Variants in DPP6 observed in about 807,000 individuals in gnomAD.
DPP6 encodes the protein A-type potassium channel modulatory protein DPP6.
In DPP6, 69 loss-of-function variants were observed where a neutral mutation model predicts 122.6. The ratio of observed to expected loss-of-function variants is 0.56; its 90% CI spans 0.46 to 0.69. The LOEUF is 0.69. Among genes scored for constraint, DPP6 ranks in the 30% least tolerant of loss-of-function variants. DPP6 has a pLI of 0.00. For missense variants in DPP6, 928 were observed against 1,116.9 expected, an observed-to-expected ratio of 0.83 and a Z score of 2.41; for synonymous variants, 418 against 433.1, an observed-to-expected ratio of 0.97 and a Z score of 0.43.
At chr7:154,098,324 C>T (rs1300686375) in intron 1 of DPP6, among the ~76,000 whole-genome samples, 1 of 152,198 alleles carries the variant, frequency 6.6e-6, no homozygotes, top group Non-Finnish European at 1.5e-5. Context: ...GCCTCCCCAG[C>T]CATGCTGAAC....
intron 3 of DPP6, among the ~76,000 whole-genome samples, chr7:154,517,766 G>A (rs1000753810): frequency 1.3e-5 from 2 of 152,074 alleles, no homozygotes; most frequent in East Asian, 1.9e-4. Flanking sequence ...TGTTGTGTCC[G>A]GAAAGCAAAA....
chr7:154,381,061 C>T (rs745748016), intron 1 of DPP6, among the ~76,000 whole-genome samples: 1 of 152,186 alleles, frequency 6.6e-6, no homozygotes, highest in Non-Finnish European at 1.5e-5. Context: ...CGTGGGGCTT[C>T]TCTGCCATGA....
chr7:154,497,512 G>A (rs571386666), intron 3 of DPP6, among the ~76,000 whole-genome samples: 2 of 151,892 alleles, frequency 1.3e-5, no homozygotes. Context: ...GGGAGGTTGA[G>A]GCAGGACAAT....
the DPP6 span, among the ~76,000 whole-genome samples, chr7:153,813,183 C>A: frequency 1.3e-5 from 2 of 150,536 alleles, no homozygotes; most frequent in Non-Finnish European, 3.0e-5. Flanking sequence ...CCCATCCCCC[C>A]ACCCTGCAAC....
chr7:154,840,357 A>T (rs564244105), intron 16 of DPP6, among the ~76,000 whole-genome samples: 1 of 152,278 alleles, frequency 6.6e-6, no homozygotes, highest in South Asian at 2.1e-4. Context: ...ATGGGCAGCA[A>T]CCTCAGCCTG....
chr7:153,869,942 T>G, the DPP6 span, among the ~76,000 whole-genome samples: 1 of 152,232 alleles, frequency 6.6e-6, no homozygotes, highest in African/African-American at 2.4e-5. Flanking sequence ...AATTCTGGGT[T>G]GAAAATTCTT....
At chr7:154,064,144 T>G (rs1491002849) in intron 1 of DPP6, among the ~76,000 whole-genome samples, 1 of 152,178 alleles carries the variant, frequency 6.6e-6, no homozygotes, top group Non-Finnish European at 1.5e-5. Flanking sequence ...GACACTCATC[T>G]ACCCTGTACC....
chr7:154,802,768 C>T (rs564220998), intron 13 of DPP6, among the ~76,000 whole-genome samples: 5 of 147,292 alleles, frequency 3.4e-5, no homozygotes, highest in African/African-American at 7.6e-5. Flanking sequence ...ACCCGGGAGG[C>T]GGAGGCTGCA....
intron 16 of DPP6, among the ~76,000 whole-genome samples, chr7:154,823,303 G>C (rs2150502318): frequency 6.6e-6 from 1 of 152,332 alleles, no homozygotes; most frequent in South Asian, 2.1e-4. Context: ...CCAGGAGTTT[G>C]ATGCTGTGGT....
chr7:154,837,457 C>T lies in DPP6; in HGVS notation c.1667-16323C>T, dbSNP rs368092462. The stretch of plus-strand genomic sequence containing the variant: ...ATTCACGTGCATGCACGCACACACA[C>T]GTGGGATGTGCATTTGGGATGGGCT... On this transcript the variant is annotated intron_variant, in intron 16 of 25. Coordinates refer to ENST00000377770, the MANE Select transcript of DPP6 (RefSeq NM_130797.4). 7.2e-5 allele frequency among the ~76,000 whole-genome samples: 11 copies of T among 152,384 alleles called. No individual in the cohort carries two copies. In the East Asian group the frequency reaches 1.7e-3, roughly 24 times the overall value.
intron 1 of DPP6, among the ~76,000 whole-genome samples, chr7:153,920,561 C>CTTTTTTTT (rs1489811189): frequency 0.015 from 929 of 62,146 alleles, 67 homozygotes; most frequent in African/African-American, 0.058. Context: ...TTTTATCTCT[C>CTTTTTTTT]TCTTTTTTTT....
rs1253067474 is a variant in DPP6, at chr7:154,478,546, C to A, written c.457+3509C>A. Among the ~76,000 whole-genome samples the A allele has an allele frequency of 4.0e-5, 6 of 151,358 alleles. No homozygotes were observed. The East Asian group carries it at 1.2e-3, about 29-fold the overall frequency. On this transcript the variant is annotated intron_variant, in intron 3 of 25. Transcript: ENST00000377770. The stretch of plus-strand genomic sequence containing the variant: ...TGTCTTAAGCTCTAGGCTAAATGAT[C>A]TATATACATATATATATATATAGAC...
At chr7:153,953,161 G>A (rs572473378) in intron 1 of DPP6, among the ~76,000 whole-genome samples, 46 of 152,184 alleles carry the variant, frequency 3.0e-4, no homozygotes, top group South Asian at 2.3e-3. Context: ...AAAAAATTCA[G>A]TAGTCTTTCC....
intron 1 of DPP6, among the ~76,000 whole-genome samples, chr7:153,935,944 A>G (rs1314343013): frequency 3.9e-5 from 6 of 152,244 alleles, no homozygotes; most frequent in African/African-American, 1.4e-4. Context: ...AGCTGTGCTC[A>G]TGATCATCAA....
rs140782520 is a variant in DPP6 at position 154,024,777 on chromosome 7, G to C, written c.51+137043G>C. On this transcript the variant is annotated intron_variant, in intron 1 of 25. Transcript: ENST00000404039. ...GCGGGGCTTGTCTCCCCGTGAGTGT[G>C]AGATCTGCATGCTGCCACCTTTCTC... Among the ~76,000 whole-genome samples the C allele has an allele frequency of 9.2e-3, 1,406 of 152,340 alleles. 14 individuals carry two copies. Among genetic ancestry groups the C allele is most frequent in the South Asian group, 0.037 (178 of 4,820 alleles).
At chr7:154,740,213 C>T (rs560830503) in intron 8 of DPP6, among the ~76,000 whole-genome samples, 23 of 152,090 alleles carry the variant, frequency 1.5e-4, no homozygotes, top group African/African-American at 5.3e-4. Flanking sequence ...TTAGGACAAA[C>T]ACACTTTTAC....
In DPP6 at chr7:154,640,889, G is replaced by A. The variant is rs190008504; in HGVS notation, c.680+3016G>A. ...ACTAATTCTCATCTTTCCTTTCCTC[G>A]CTCCTCCCTCTAAATTAAAGCCAGA... On this transcript the variant is annotated intron_variant, in intron 6 of 25. Transcript: ENST00000377770. Among the ~76,000 whole-genome samples the A allele has an allele frequency of 2.2e-3, 330 of 151,936 alleles. 3 individuals carry two copies. The highest frequency in any genetic ancestry group is 3.6e-3 in the Non-Finnish European group (247 of 67,974).
At chr7:154,458,903 G>C (rs1821032744) in intron 2 of DPP6, among the ~76,000 whole-genome samples, 1 of 152,100 alleles carries the variant, frequency 6.6e-6, no homozygotes, top group South Asian at 2.1e-4. Flanking sequence ...AGTTTCAAAA[G>C]GTGGTTCTTT....
In DPP6 at chr7:154,833,347, G is replaced by T. The variant is rs576371682; in HGVS notation, c.1667-20433G>T. The stretch of plus-strand genomic sequence containing the variant: ...TAAGGGCTGTAGGAAGCCAAGAAAA[G>T]GAGTGTTTGGTAACTGGTAAAAATG... On this transcript the variant is annotated intron_variant, in intron 16 of 25. Coordinates refer to ENST00000377770, the MANE Select transcript of DPP6 (RefSeq NM_130797.4). This position sits in a 1 kb window ranked among gnomAD's most constrained non-coding sequence, Gnocchi z 4.3. Among the ~76,000 whole-genome samples, 1 of 152,202 alleles carries T rather than the reference G, an allele frequency of 6.6e-6. No individual in the cohort carries two copies. The highest frequency in any genetic ancestry group is 1.5e-5 in the Non-Finnish European group (1 of 68,036).
Sources: gnomAD v4.1 joint callset for allele counts (sites outside exome capture counted in the v4.1 genomes callset) on GRCh38, gnomAD v4.1.1 for gene constraint, Gnocchi (gnomAD v3.1) non-coding constraint, MANE v1.5 for transcripts, NCBI Gene and HGNC (gene_info 2026-07-23, HGNC 2026-07-21) for gene names.